The following GABRG3 variants were observed in gnomAD, a reference collection of about 807,000 sequenced individuals.
The protein encoded by GABRG3 is gamma-aminobutyric acid type A receptor subunit gamma3.
GABRG3 carries 25 observed loss-of-function variants against 48.8 expected under a neutral mutation model. The ratio of observed to expected loss-of-function variants is 0.51; its 90% CI spans 0.37 to 0.72. The LOEUF (loss-of-function observed/expected upper bound fraction) is 0.72. Among genes scored for constraint, GABRG3 ranks in the 30% least tolerant of loss-of-function variants. The pLI, the probability that GABRG3 is intolerant of heterozygous loss-of-function variation, is 0.00. For missense variants in GABRG3, 394 were observed against 577.9 expected (o/e 0.68, Z 3.26); for synonymous variants, 227 against 217.6 (o/e 1.04, Z -0.38).
At chr15:27,321,157 C>T (rs113522424) in intron 3 of GABRG3, among the ~76,000 whole-genome samples, 1 of 152,366 alleles carries the variant, frequency 6.6e-6, no homozygotes, top group African/African-American at 2.4e-5. Context: ...ATCTTGCCAA[C>T]AGGGCCTCCT....
At chr15:27,119,611 G>A (rs1265412828) in intron 3 of GABRG3, among the ~76,000 whole-genome samples, 1 of 152,228 alleles carries the variant, frequency 6.6e-6, no homozygotes, top group Non-Finnish European at 1.5e-5. Context: ...TGAGGCTGAA[G>A]TTATTGTGTC....
intron 3 of GABRG3, among the ~76,000 whole-genome samples, chr15:27,043,594 G>A (rs1896313983): frequency 6.6e-6 from 1 of 152,128 alleles, no homozygotes; most frequent in Non-Finnish European, 1.5e-5. Flanking sequence ...GCCCTTTTCT[G>A]CCCGCAGAGC....
At chr15:27,315,839 T>C (rs567590305) in intron 3 of GABRG3, among the ~76,000 whole-genome samples, 1 of 152,304 alleles carries the variant, frequency 6.6e-6, no homozygotes, top group South Asian at 2.1e-4. Context: ...TATATATTCA[T>C]TTACTTCTGT....
chr15:27,482,661 T>A lies in GABRG3; in HGVS notation c.712+1874T>A, dbSNP rs1051628602. On this transcript the variant is annotated intron_variant, in intron 6 of 9. Transcript: ENST00000615808. ...TCCCTTTTTTCCAAGAATAAAGCAT[T>A]TGCAACACTGTCTACTTGGTTCTCA... 1.8e-4 allele frequency among the ~76,000 whole-genome samples: 27 copies of A among 152,060 alleles called. 1 individual carries two copies. Among genetic ancestry groups the A allele is most frequent in the South Asian group, 6.2e-4 (3 of 4,834 alleles).
Position 27,534,688 on chromosome 15 carries a change from A to G in GABRG3, c.*1807A>G, listed in dbSNP as rs1252001825. 2 of 152,254 alleles carry G rather than the reference A, an allele frequency of 1.3e-5. No individual in the cohort carries two copies. The highest frequency in any genetic ancestry group is 6.5e-5 in the Admixed American group (1 of 15,286). 9.4% of individuals were successfully genotyped at this position (152,254 alleles called of 1,614,324 possible). Reference sequence around the variant, plus strand: ...TCACACAATGTCCTGGATGTATACCAGACACAGAAGAGGATGGGAGCAGAA... The same window carrying G: ...TCACACAATGTCCTGGATGTATACCGGACACAGAAGAGGATGGGAGCAGAA... On this transcript the variant is annotated 3_prime_UTR_variant, in exon 10 of 10. Coordinates refer to ENST00000615808, the MANE Select transcript of GABRG3 (RefSeq NM_033223.5).
intron 6 of GABRG3, among the ~76,000 whole-genome samples, chr15:27,501,744 C>T (rs1397800845): frequency 1.3e-5 from 2 of 152,104 alleles, no homozygotes; most frequent in Non-Finnish European, 2.9e-5. Flanking sequence ...ATAGCTGAGT[C>T]CAAGTTCTGT....
chr15:27,192,979 C>A (rs1200248059), intron 3 of GABRG3, among the ~76,000 whole-genome samples: 1 of 152,176 alleles, frequency 6.6e-6, no homozygotes, highest in South Asian at 2.1e-4. Context: ...GCTAGAGGTC[C>A]ACTCCAGACC....
chr15:27,125,193 T>C (rs1053234067), intron 3 of GABRG3, among the ~76,000 whole-genome samples: 8 of 152,222 alleles, frequency 5.3e-5, no homozygotes, highest in African/African-American at 1.2e-4. Flanking sequence ...TTATAGCCAC[T>C]GTTGTACAGT....
At chr15:27,308,481 A>G (rs1204782137) in intron 3 of GABRG3, among the ~76,000 whole-genome samples, 1 of 148,052 alleles carries the variant, frequency 6.8e-6, no homozygotes, top group Non-Finnish European at 1.5e-5. Context: ...ATAAACATAT[A>G]ATGTAAACAT....
chr15:27,039,884 C>G (rs1896244904), intron 3 of GABRG3, among the ~76,000 whole-genome samples: 1 of 152,232 alleles, frequency 6.6e-6, no homozygotes. Flanking sequence ...TACTATGGAG[C>G]TGCCCTAGAC....
intron 3 of GABRG3, among the ~76,000 whole-genome samples, chr15:27,176,358 A>G (rs543050567): frequency 1.3e-5 from 2 of 152,326 alleles, no homozygotes; most frequent in East Asian, 1.9e-4. Context: ...AATAAAAGTA[A>G]TAGTATTTCT....
intron 5 of GABRG3, among the ~76,000 whole-genome samples, chr15:27,332,358 A>G (rs1021227323): frequency 1.3e-5 from 2 of 152,192 alleles, no homozygotes. Flanking sequence ...TACTAAAAAT[A>G]CAAAAATTAG....
chr15:27,315,931 G>A (rs1199375508), intron 3 of GABRG3, among the ~76,000 whole-genome samples: 1 of 152,124 alleles, frequency 6.6e-6, no homozygotes, highest in Non-Finnish European at 1.5e-5. Flanking sequence ...TGTAGATGCA[G>A]CATTCCACAT....
chr15:27,045,291 G>T (rs1043065066), intron 3 of GABRG3, among the ~76,000 whole-genome samples: 4 of 152,194 alleles, frequency 2.6e-5, no homozygotes, highest in African/African-American at 9.7e-5. Context: ...GGACGGAGTG[G>T]CAGGTGCAAA....
chr15:27,337,287 C>A (rs1894007886), intron 5 of GABRG3, among the ~76,000 whole-genome samples: 1 of 152,022 alleles, frequency 6.6e-6, no homozygotes, highest in Non-Finnish European at 1.5e-5. Context: ...GCCACCGATA[C>A]AATTTTAGAT....
chr15:27,053,923 G>C (rs1896496219), intron 3 of GABRG3, among the ~76,000 whole-genome samples: 1 of 152,188 alleles, frequency 6.6e-6, no homozygotes, highest in South Asian at 2.1e-4. Context: ...GCTAAATTTT[G>C]GATACACATG....
intron 3 of GABRG3, among the ~76,000 whole-genome samples, chr15:27,222,551 G>A (rs1207363054): frequency 6.6e-6 from 1 of 152,180 alleles, no homozygotes. Context: ...CTTGAGTCAT[G>A]GGTGCATATT....
chr15:27,094,913 A>G (rs1384382038), intron 3 of GABRG3, among the ~76,000 whole-genome samples: 1 of 152,200 alleles, frequency 6.6e-6, no homozygotes, highest in Non-Finnish European at 1.5e-5. Flanking sequence ...CATACACACA[A>G]TTTACACTGA....
At chr15:27,472,698 A>T (rs1889821993) in intron 5 of GABRG3, among the ~76,000 whole-genome samples, 1 of 152,190 alleles carries the variant, frequency 6.6e-6, no homozygotes, top group Non-Finnish European at 1.5e-5. Flanking sequence ...GGCAATGGAT[A>T]TGATCTTGCT....
Sources: gnomAD v4.1 joint callset for allele counts (sites outside exome capture counted in the v4.1 genomes callset) on GRCh38, gnomAD v4.1.1 for gene constraint, MANE v1.5 for transcripts, NCBI Gene and HGNC (gene_info 2026-07-23, HGNC 2026-07-21) for gene names.